AAK1: variants seen among roughly 807,000 people sequenced by gnomAD.
The protein encoded by AAK1 is AP2-associated protein kinase 1.
A neutral mutation model predicts 116.0 loss-of-function variants in AAK1; 37 were observed. That is an observed-to-expected ratio of 0.32 (90% CI 0.25 to 0.42). The LOEUF (loss-of-function observed/expected upper bound fraction) is 0.42. AAK1 is among the 10% of genes least tolerant of loss of function. The pLI, the probability that AAK1 is intolerant of heterozygous loss-of-function variation, is 1.00. For missense variants in AAK1, 919 were observed against 1,170.6 expected, an observed-to-expected ratio of 0.79 and a Z score of 3.14; for synonymous variants, 458 against 439.9, an observed-to-expected ratio of 1.04 and a Z score of -0.51.
intron 2 of AAK1, among the ~76,000 whole-genome samples, chr2:69,625,413 G>A (rs1002490565): frequency 2.0e-5 from 3 of 152,178 alleles, no homozygotes; most frequent in South Asian, 4.1e-4. Context: ...TGTCTCATCC[G>A]TATCAAGCAA....
Position 69,505,589 on chromosome 2 carries a change from G to A in AAK1, c.2249C>T (p.Thr750Ile). Residue 750 changes from threonine (T) to isoleucine (I), a missense_variant, in exon 16 of 22, where the codon ACC becomes ATC. By Grantham distance (89) the Thr-to-Ile change is moderately conservative. Transcript: ENST00000409085. ...CTAACCAGTTCCAGCAGAAAATGAG[G>A]TCGTAGCAAAAGCATCACCTTGGGT... ...QSTQGDAFAT[T>I]SFSAGTAEKR... is the part of the protein sequence containing the mutation. 6.2e-7 allele frequency: 1 copy of A among 1,613,650 alleles called. No homozygotes were observed. The highest frequency in any genetic ancestry group is 8.5e-7 in the Non-Finnish European group (1 of 1,179,728).
chr2:69,496,386 C>T (rs1002553002), intron 16 of AAK1, among the ~76,000 whole-genome samples: 31 of 152,094 alleles, frequency 2.0e-4, no homozygotes, highest in Admixed American at 1.1e-3. Context: ...ATTCTCCTGC[C>T]TCAGCCTCCT....
At chr2:69,640,858 A>G (rs1478727302) in intron 2 of AAK1, among the ~76,000 whole-genome samples, 1 of 152,150 alleles carries the variant, frequency 6.6e-6, no homozygotes, top group Non-Finnish European at 1.5e-5. Context: ...GTTTATCTCT[A>G]TGATGGCATT....
At chr2:69,501,003 C>T (rs1358796733) in intron 16 of AAK1, among the ~76,000 whole-genome samples, 3 of 151,942 alleles carry the variant, frequency 2.0e-5, no homozygotes, top group Non-Finnish European at 4.4e-5. Flanking sequence ...AGCCAAACAT[C>T]GTGCCAAATT....
In AAK1 at chr2:69,468,814, T is replaced by C. The variant is rs1437060785; in HGVS notation, c.*7055A>G. 4 of 985,396 alleles carry C rather than the reference T, an allele frequency of 4.1e-6. No homozygotes were observed. The highest frequency in any genetic ancestry group is 1.1e-4 in the East Asian group (1 of 8,810). The allele number at this position is 985,396 out of a possible 1,614,324, so 61.0% of individuals were successfully genotyped here. A position where few individuals can be genotyped will look rare whatever the true frequency, so the allele number is the denominator to read the frequency against. On this transcript the variant is annotated 3_prime_UTR_variant, in exon 22 of 22. Coordinates refer to ENST00000409085, the MANE Select transcript of AAK1 (RefSeq NM_014911.5). ...TGCCCATATTCAGGGTTGGAGAGGA[T>C]GGAAGAACATGTCTAACCCATCAAA...
chr2:69,587,922 T>C (rs1672862000), intron 2 of AAK1, among the ~76,000 whole-genome samples: 1 of 151,918 alleles, frequency 6.6e-6, no homozygotes. Context: ...CTCATTTCTT[T>C]TTTCTTTTTT....
chr2:69,486,878 G>A (rs1037227836), intron 17 of AAK1, among the ~76,000 whole-genome samples: 2 of 152,068 alleles, frequency 1.3e-5, no homozygotes, highest in Non-Finnish European at 2.9e-5. Flanking sequence ...ATAGGAATAT[G>A]AGTCTTCACA....
intron 12 of AAK1, among the ~76,000 whole-genome samples, chr2:69,516,264 A>G (rs1676575546): frequency 1.3e-5 from 2 of 152,134 alleles, no homozygotes; most frequent in South Asian, 4.1e-4. Context: ...TCTTAAAACG[A>G]TAGAACAATT....
intron 2 of AAK1, among the ~76,000 whole-genome samples, chr2:69,592,228 T>C (rs1340774378): frequency 1.3e-5 from 2 of 152,224 alleles, no homozygotes; most frequent in African/African-American, 2.4e-5. Context: ...CCAGTGTTTC[T>C]TATTGGGTAC....
At chr2:69,564,651 A>G (rs1671787745) in intron 2 of AAK1, among the ~76,000 whole-genome samples, 2 of 152,182 alleles carry the variant, frequency 1.3e-5, no homozygotes, top group South Asian at 4.1e-4. Context: ...AGAGCCCAAC[A>G]GGTTAAGTTC....
intron 4 of AAK1, 39 bp downstream of exon 4, chr2:69,544,397 A>G (rs746349791): frequency 6.7e-7 from 1 of 1,483,362 alleles, no homozygotes; most frequent in Non-Finnish European, 9.4e-7. Context: ...TCAAAATGCT[A>G]GAGAAATGAC....
intron 3 of AAK1, among the ~76,000 whole-genome samples, chr2:69,548,131 G>A (rs1671004956): frequency 1.3e-5 from 2 of 152,178 alleles, no homozygotes; most frequent in South Asian, 2.1e-4. Context: ...GTTTCCTTCA[G>A]GGGATAAGAA....
intron 11 of AAK1, chr2:69,520,263 G>C (rs1022095700): frequency 2.5e-5 from 4 of 158,454 alleles, no homozygotes; most frequent in African/African-American, 9.6e-5. Flanking sequence ...GCCAAGTCTA[G>C]AAAAAGCGAC....
intron 2 of AAK1, among the ~76,000 whole-genome samples, chr2:69,641,226 G>A (rs59340002): frequency 0.02 from 3,012 of 152,302 alleles, 87 homozygotes; most frequent in East Asian, 0.12. Context: ...CAAAACGCTC[G>A]TGGGCTATAA....
At chr2:69,637,652 A>G (rs1449081521) in intron 2 of AAK1, among the ~76,000 whole-genome samples, 1 of 152,202 alleles carries the variant, frequency 6.6e-6, no homozygotes, top group African/African-American at 2.4e-5. Flanking sequence ...CCTCATAAGT[A>G]GGCTCAGAAG....
At chr2:69,643,393 G>A in intron 1 of AAK1, 119 bp from the exon 2 acceptor site, 3 of 1,180,300 alleles carry the variant, frequency 2.5e-6, no homozygotes, top group Non-Finnish European at 3.2e-6. Flanking sequence ...TATTTTCCCG[G>A]CGAGAAAAAC....
rs1430129594 is a variant in AAK1 at position 69,466,151 on chromosome 2, T to A, written c.*9718A>T. ...CTGGCTCACTGAGCCCATCAGTGGC[T>A]GGCTGTGTGAAGGCTTGAAACTGGT... On this transcript the variant is annotated 3_prime_UTR_variant, in exon 22 of 22. Coordinates refer to ENST00000409085, the MANE Select transcript of AAK1 (RefSeq NM_014911.5). 1.0e-5 allele frequency: 13 copies of A among 1,290,262 alleles called. No homozygotes were observed. The East Asian group carries it at 6.7e-4, about 66-fold the overall frequency. The allele number at this position is 1,290,262 out of a possible 1,614,324, so 79.9% of individuals were successfully genotyped here.
Position 69,527,114 on chromosome 2 carries a change from C to T in AAK1, c.975+102G>A, listed in dbSNP as rs1670059338. 4.9e-6 allele frequency: 4 copies of T among 821,174 alleles called. No individual in the cohort carries two copies. The South Asian group carries it at 6.3e-5, about 13-fold the overall frequency. The allele number at this position is 821,174 out of a possible 1,614,324, so 50.9% of individuals were successfully genotyped here. A position where few individuals can be genotyped will look rare whatever the true frequency, so the allele number is the denominator to read the frequency against. On this transcript the variant is annotated intron_variant, in intron 9 of 21. Transcript: ENST00000409085. ...GCTTGACTACCCCCAGTAGATAAAG[C>T]AAGGGACATCTAAATTCATTTAAAC... is the stretch of plus-strand genomic sequence containing the variant.
chr2:69,523,452 T>C (rs920354354), intron 10 of AAK1, among the ~76,000 whole-genome samples: 3 of 152,226 alleles, frequency 2.0e-5, no homozygotes, highest in Non-Finnish European at 4.4e-5. Flanking sequence ...ATTTAATAAA[T>C]ATTAAAGAAC....
Sources: allele counts gnomAD v4.1 joint callset (sites outside exome capture counted in the v4.1 genomes callset), GRCh38; gene constraint gnomAD v4.1.1; transcripts MANE v1.5; gene names NCBI Gene and HGNC (gene_info 2026-07-23, HGNC 2026-07-21).